Variants in PPP3CC observed in about 807,000 individuals in gnomAD.
The protein encoded by PPP3CC is serine/threonine-protein phosphatase 2B catalytic subunit gamma isoform.
In PPP3CC, 35 loss-of-function variants were observed where a neutral mutation model predicts 60.3. The observed-to-expected ratio is 0.58, with a 90% CI of 0.44 to 0.77. The LOEUF is 0.77. Ranked by LOEUF, PPP3CC falls within the 30% of genes least tolerant of loss-of-function variation. PPP3CC has a pLI of 0.00. For missense variants in PPP3CC, 570 were observed against 628.9 expected, an observed-to-expected ratio of 0.91 and a Z score of 1.00; for synonymous variants, 206 against 224.3, an observed-to-expected ratio of 0.92 and a Z score of 0.73.
At chr8:22,523,857 G>T in intron 8 of PPP3CC, 1 of 188,762 alleles carries the variant, frequency 5.3e-6, no homozygotes, top group South Asian at 7.0e-5. Context: ...CAGTGGCTCT[G>T]GAGGCACTTC....
intron 3 of PPP3CC, 104 bp from the exon 4 acceptor site, chr8:22,497,897 A>T (rs1294589229): frequency 7.2e-6 from 5 of 692,056 alleles, no homozygotes; most frequent in Non-Finnish European, 9.5e-6. Flanking sequence ...ATTTGGGAGT[A>T]ACAATGAGAT....
chr8:22,533,868 T>C (rs1339799232), intron 12 of PPP3CC, among the ~76,000 whole-genome samples: 1 of 150,308 alleles, frequency 6.7e-6, no homozygotes, highest in Non-Finnish European at 1.5e-5. Context: ...AAGATCTTAA[T>C]ATTATTATAG....
At chr8:22,499,585 C>T (rs1404124795) in intron 4 of PPP3CC, among the ~76,000 whole-genome samples, 1 of 152,194 alleles carries the variant, frequency 6.6e-6, no homozygotes, top group Non-Finnish European at 1.5e-5. Context: ...AGCGAGACTC[C>T]ATCTCAAAAA....
intron 1 of PPP3CC, among the ~76,000 whole-genome samples, chr8:22,449,156 A>G (rs1183113923): frequency 6.6e-6 from 1 of 152,178 alleles, no homozygotes; most frequent in African/African-American, 2.4e-5. Flanking sequence ...AGTACAATGA[A>G]GAAATGGCTT....
intron 3 of PPP3CC, among the ~76,000 whole-genome samples, chr8:22,494,875 A>G (rs1838517007): frequency 6.6e-6 from 1 of 152,226 alleles, no homozygotes; most frequent in African/African-American, 2.4e-5. Context: ...CAAAGTAGAT[A>G]CATACATATG....
chr8:22,514,248 C>CAAAAAAAAAAAAAAAAAAA (rs66505760), intron 6 of PPP3CC, among the ~76,000 whole-genome samples: 1 of 89,492 alleles, frequency 1.1e-5, no homozygotes, highest in Non-Finnish European at 2.2e-5. Context: ...ACTCTGTCTC[C>CAAAAAAAAAAAAAAAAAAA]AAAAAAAAAA....
chr8:22,541,006 T>C lies in PPP3CC; in HGVS notation c.*204T>C. Reference sequence around the variant, plus strand: ...ATATATATAAAAAGTGCATCTGTTTTGTTTTTCCCTTTTTTCTCCATAATT... The same window carrying C: ...ATATATATAAAAAGTGCATCTGTTTCGTTTTTCCCTTTTTTCTCCATAATT... On this transcript the variant is annotated 3_prime_UTR_variant, in exon 14 of 14. Transcript: ENST00000240139. The C allele has an allele frequency of 2.6e-6, 1 of 387,968 alleles. No homozygotes were observed. The highest frequency in any genetic ancestry group is 4.5e-5 in the East Asian group (1 of 22,238). 24.0% of individuals were successfully genotyped at this position (387,968 alleles called of 1,614,324 possible). A position where few individuals can be genotyped will look rare whatever the true frequency, so the allele number is the denominator to read the frequency against.
chr8:22,452,131 T>C (rs1027884076), intron 1 of PPP3CC, among the ~76,000 whole-genome samples: 2 of 151,984 alleles, frequency 1.3e-5, no homozygotes, highest in African/African-American at 4.8e-5. Context: ...CTGGCCTCAA[T>C]TGATCGTCCT....
intron 1 of PPP3CC, among the ~76,000 whole-genome samples, chr8:22,458,312 T>C (rs1056794005): frequency 6.6e-6 from 1 of 151,904 alleles, no homozygotes; most frequent in Non-Finnish European, 1.5e-5. Flanking sequence ...TATTAACAAA[T>C]ATCAGCTGGG....
chr8:22,506,847 C>T (rs1332358715), intron 4 of PPP3CC, among the ~76,000 whole-genome samples: 1 of 152,010 alleles, frequency 6.6e-6, no homozygotes, highest in Non-Finnish European at 1.5e-5. Flanking sequence ...GAGGCTGAGG[C>T]TGGAGGATGG....
intron 12 of PPP3CC, among the ~76,000 whole-genome samples, chr8:22,535,599 A>T (rs1839828055): frequency 6.6e-6 from 1 of 152,126 alleles, no homozygotes; most frequent in African/African-American, 2.4e-5. Context: ...GGGCTCCAGC[A>T]ATCCCCCTGC....
chr8:22,539,452 C>T lies in PPP3CC; in HGVS notation c.1322-17C>T. ...CTGTCTTCGTTTTTGCATGCTACTG[C>T]TCCTGCCCTCTTACAGCCACAGTAG... is the stretch of plus-strand genomic sequence containing the variant. On this transcript the variant is annotated splice_polypyrimidine_tract_variant and intron_variant, in intron 12 of 13. Coordinates refer to ENST00000240139, the MANE Select transcript of PPP3CC (RefSeq NM_005605.5). 1 of 1,613,898 alleles carries T rather than the reference C, an allele frequency of 6.2e-7. No individual in the cohort carries two copies. Among genetic ancestry groups the T allele is most frequent in the South Asian group, 1.1e-5 (1 of 91,038 alleles).
chr8:22,517,020 G>A (rs1201421552), intron 6 of PPP3CC, among the ~76,000 whole-genome samples: 3 of 152,006 alleles, frequency 2.0e-5, no homozygotes, highest in African/African-American at 2.4e-5. Context: ...TGTTATGACC[G>A]GAGCCTCACA....
rs148689860 is a variant in PPP3CC at position 22,503,895 on chromosome 8, G to C, written c.484+5783G>C. Among the ~76,000 whole-genome samples, 6 of 152,226 alleles carry C rather than the reference G, an allele frequency of 3.9e-5. No individual in the cohort carries two copies. In the East Asian group the frequency reaches 9.6e-4, roughly 24 times the overall value. On this transcript the variant is annotated intron_variant, in intron 4 of 13. Coordinates refer to ENST00000240139, the MANE Select transcript of PPP3CC (RefSeq NM_005605.5). Reference sequence around the variant, plus strand: ...GTTTAAAATTTTATTCTTGTATAAGGAGAGAGCATGTGTGTTGCTCTGCAT... The same window carrying C: ...GTTTAAAATTTTATTCTTGTATAAGCAGAGAGCATGTGTGTTGCTCTGCAT...
chr8:22,518,654 C>A (rs1235139114), intron 6 of PPP3CC, among the ~76,000 whole-genome samples: 2 of 152,062 alleles, frequency 1.3e-5, no homozygotes, highest in Non-Finnish European at 2.9e-5. Context: ...ATGATTTATC[C>A]ATTACAGAGA....
Position 22,501,144 on chromosome 8 carries a change from A to AC in PPP3CC, c.484+3032_484+3033insC, listed in dbSNP as rs562321363. 1.4e-3 allele frequency among the ~76,000 whole-genome samples: 219 copies of AC among 152,310 alleles called. 1 individual carries two copies. The highest frequency in any genetic ancestry group is 4.9e-3 in the African/African-American group (203 of 41,568). On this transcript the variant is annotated intron_variant, in intron 4 of 13. Coordinates refer to ENST00000240139, the MANE Select transcript of PPP3CC (RefSeq NM_005605.5). ...CACTACACTCCAGCCTGGGAGACAT[A>AC]GTGAGACCCTGTCTCAACAACAACA...
intron 4 of PPP3CC, among the ~76,000 whole-genome samples, chr8:22,499,047 C>G (rs1258217159): frequency 2.0e-5 from 3 of 151,752 alleles, no homozygotes; most frequent in Non-Finnish European, 4.4e-5. Flanking sequence ...TGGCTTGAAC[C>G]CGGGAGATGG....
chr8:22,489,578 A>G (rs184762469), intron 3 of PPP3CC, among the ~76,000 whole-genome samples: 120 of 144,130 alleles, frequency 8.3e-4, no homozygotes, highest in South Asian at 5.0e-3. Flanking sequence ...TATATATATA[A>G]CAAATATATA....
chr8:22,503,899 G>C (rs879765928), intron 4 of PPP3CC, among the ~76,000 whole-genome samples: 2 of 152,190 alleles, frequency 1.3e-5, no homozygotes, highest in Admixed American at 6.5e-5. Context: ...TATAAGGAGA[G>C]AGCATGTGTG....
Sources: allele counts gnomAD v4.1 joint callset (sites outside exome capture counted in the v4.1 genomes callset), GRCh38; gene constraint gnomAD v4.1.1; transcripts MANE v1.5; gene names NCBI Gene and HGNC (gene_info 2026-07-23, HGNC 2026-07-21).